UTP4: variants seen among roughly 807,000 people sequenced by gnomAD.
UTP4 encodes the protein UTP4 small subunit processome component.
UTP4 carries 45 observed loss-of-function variants against 82.4 expected under a neutral mutation model. That is an observed-to-expected ratio of 0.55 (90% CI 0.43 to 0.70). The LOEUF (loss-of-function observed/expected upper bound fraction) is 0.70, where lower values mean the gene tolerates loss of function less well. Ranked by LOEUF, UTP4 falls within the 30% of genes least tolerant of loss-of-function variation. UTP4 has a pLI of 0.00. For missense variants in UTP4, 819 were observed against 858.3 expected (o/e 0.95, Z 0.57); for synonymous variants, 348 against 300.3 (o/e 1.16, Z -1.64).
intron 14 of UTP4, among the ~76,000 whole-genome samples, chr16:69,164,034 G>A (rs955844290): frequency 5.9e-5 from 9 of 151,820 alleles, no homozygotes; most frequent in Admixed American, 2.0e-4. Flanking sequence ...ACAGGCGCCC[G>A]CCACCATGCC....
At chr16:69,144,944 C>T (rs759359436) in intron 6 of UTP4, among the ~76,000 whole-genome samples, 16 of 152,134 alleles carry the variant, frequency 1.1e-4, no homozygotes, top group Middle Eastern at 3.4e-3. Flanking sequence ...GAGTTCAAGA[C>T]GAGCCTGGTC....
chr16:69,157,326 C>G, intron 12 of UTP4, 86 bp downstream of exon 12: 1 of 1,305,660 alleles, frequency 7.7e-7, no homozygotes, highest in Admixed American at 2.0e-5. Context: ...TCGGGGGTTC[C>G]CTCATGTTCC....
At chr16:69,147,593 G>A (rs1963152495) in intron 6 of UTP4, among the ~76,000 whole-genome samples, 3 of 152,242 alleles carry the variant, frequency 2.0e-5, no homozygotes, top group Admixed American at 2.0e-4. Flanking sequence ...GGTTGTGCTT[G>A]GAACCAGAAG....
chr16:69,143,466 C>T, intron 6 of UTP4, 77 bp downstream of exon 6: 1 of 1,259,680 alleles, frequency 7.9e-7, no homozygotes, highest in Non-Finnish European at 1.2e-6. Flanking sequence ...TAGTGACGTG[C>T]CATGAACACT....
intron 13 of UTP4, 126 bp downstream of exon 13, chr16:69,160,588 C>G (rs557460373): frequency 1.5e-6 from 1 of 672,060 alleles, no homozygotes; most frequent in East Asian, 2.8e-5. Flanking sequence ...TTTTTATTTT[C>G]TTTTCTTTTC....
At position 69,160,348 on chromosome 16, in the gene UTP4, C is replaced by A. The variant is rs954360135; in HGVS notation, c.1445-8C>A. On this transcript the variant is annotated splice_region_variant and splice_polypyrimidine_tract_variant and intron_variant, in intron 12 of 16. Coordinates refer to ENST00000314423, the MANE Select transcript of UTP4 (RefSeq NM_032830.3). ...GAATTCAGAGATGTAACTGTTTTGT[C>A]CTCACAGGAACAGTGGAGGCCATGT... 2.7e-5 allele frequency: 43 copies of A among 1,609,406 alleles called. No individual in the cohort carries two copies. The highest frequency in any genetic ancestry group is 3.7e-5 in the Non-Finnish European group (43 of 1,175,776).
Position 69,165,332 on chromosome 16 carries a change from C to A in UTP4, c.1648-9C>A. 1.2e-6 allele frequency: 2 copies of A among 1,613,798 alleles called. No homozygotes were observed. Among genetic ancestry groups the A allele is most frequent in the Admixed American group, 3.3e-5 (2 of 60,004 alleles). On this transcript the variant is annotated splice_polypyrimidine_tract_variant and intron_variant, in intron 14 of 16. Transcript: ENST00000314423. ...AGCCTGCATTTCTCTATGTCATGTCCTCCCTCAGGTATTTGAGTACAGCAT... is the reference window on the plus strand; with the variant it reads ...AGCCTGCATTTCTCTATGTCATGTCATCCCTCAGGTATTTGAGTACAGCAT...
At position 69,156,982 on chromosome 16, in the gene UTP4, G is replaced by C. The variant is rs556014760; in HGVS notation, c.1288-102G>C. 8.9e-6 allele frequency: 11 copies of C among 1,240,606 alleles called. No homozygotes were observed. In the East Asian group the frequency reaches 1.9e-4, roughly 21 times the overall value. The allele number at this position is 1,240,606 out of a possible 1,614,324, so 76.8% of individuals were successfully genotyped here. ...TGTGCCGAGTCAGTTGGCTTACTTA[G>C]AGACAGGAAGCATTAATGTACCTTA... On this transcript the variant is annotated intron_variant, in intron 11 of 16. Coordinates refer to ENST00000314423, the MANE Select transcript of UTP4 (RefSeq NM_032830.3).
Position 69,136,771 on chromosome 16 carries a change from C to G in UTP4, c.235C>G (p.Leu79Val). 7 of 1,614,112 alleles carry G rather than the reference C, an allele frequency of 4.3e-6. No individual in the cohort carries two copies. The highest frequency in any genetic ancestry group is 5.9e-6 in the Non-Finnish European group (7 of 1,179,996). The change falls in exon 3 of 17, where the codon CTC becomes GTC. Residue 79 changes from leucine (L) to valine (V), a missense_variant. By Grantham distance (32) the Leu-to-Val change is conservative. Transcript: ENST00000314423. Reference sequence around the variant, plus strand: ...AGGACAGCGACTCTTTAGTGCTGGGCTCAATGGCGAGATTATGGAGTATGA... The same window carrying G: ...AGGACAGCGACTCTTTAGTGCTGGGGTCAATGGCGAGATTATGGAGTATGA... ...AEGQRLFSAG[L>V]NGEIMEYDLQ...
At chr16:69,136,351 C>T (rs930859326) in intron 2 of UTP4, among the ~76,000 whole-genome samples, 7 of 152,174 alleles carry the variant, frequency 4.6e-5, no homozygotes, top group East Asian at 1.9e-4. Flanking sequence ...CGTCAGCCTC[C>T]GTAGTAGCTG....
chr16:69,140,779 G>C (rs1383702714), intron 5 of UTP4, among the ~76,000 whole-genome samples: 3 of 151,786 alleles, frequency 2.0e-5, no homozygotes, highest in Non-Finnish European at 4.4e-5. Context: ...GATTCTTTTG[G>C]TATCTATCAC....
intron 8 of UTP4, among the ~76,000 whole-genome samples, chr16:69,153,052 C>T (rs1207613392): frequency 6.6e-6 from 1 of 152,188 alleles, no homozygotes; most frequent in East Asian, 1.9e-4. Flanking sequence ...CCAGGCCTGG[C>T]CCTTCAGCTT....
chr16:69,139,297 A>G (rs1420831818), intron 4 of UTP4, among the ~76,000 whole-genome samples: 1 of 152,122 alleles, frequency 6.6e-6, no homozygotes, highest in Non-Finnish European at 1.5e-5. Context: ...CAAAGGTAAT[A>G]CAATGCTTTT....
chr16:69,157,170 A>G lies in UTP4; in HGVS notation c.1374A>G (p.Gln458=). ...DSTKLFVASN[Q]GALHIVQLSG... is the part of the protein sequence containing the mutation. The stretch of plus-strand genomic sequence containing the variant: ...CAAAGCTCTTTGTAGCATCAAATCA[A>G]GGAGCTCTGCATATTGTTCAGCTGT... Residue 458 remains glutamine, a synonymous_variant, in exon 12 of 17, where the codon CAA becomes CAG. Coordinates refer to ENST00000314423, the MANE Select transcript of UTP4 (RefSeq NM_032830.3). The G allele has an allele frequency of 6.2e-7, 1 of 1,614,230 alleles. No homozygotes were observed.
At chr16:69,157,006 T>C (rs982542135) in intron 11 of UTP4, 78 bp from the exon 12 acceptor site, 12 of 1,495,044 alleles carry the variant, frequency 8.0e-6, no homozygotes, top group Non-Finnish European at 1.0e-5. Flanking sequence ...TAATGTACCT[T>C]AAGCCTAGCT....
chr16:69,150,989 C>T (rs527994241), intron 8 of UTP4, 85 bp downstream of exon 8: 20 of 1,059,604 alleles, frequency 1.9e-5, no homozygotes, highest in African/African-American at 1.3e-4. Flanking sequence ...ACACAGCTCA[C>T]GCTCGGCAAA....
At chr16:69,138,547 G>A (rs933915542) in intron 4 of UTP4, among the ~76,000 whole-genome samples, 4 of 152,194 alleles carry the variant, frequency 2.6e-5, no homozygotes, top group African/African-American at 9.6e-5. Flanking sequence ...CCAAGGAACT[G>A]TGGTTCTTAA....
intron 10 of UTP4, among the ~76,000 whole-genome samples, chr16:69,155,569 T>C (rs1963388869): frequency 6.6e-6 from 1 of 152,186 alleles, no homozygotes; most frequent in African/African-American, 2.4e-5. Flanking sequence ...AGAGCTTTCC[T>C]TCAGTAAATG....
At chr16:69,154,803 A>G (rs534952174) in intron 10 of UTP4, among the ~76,000 whole-genome samples, 3 of 152,116 alleles carry the variant, frequency 2.0e-5, no homozygotes, top group Admixed American at 2.0e-4. Flanking sequence ...ACCTCAGCTC[A>G]CCGAAACCTC....
Sources: allele counts gnomAD v4.1 joint callset (sites outside exome capture counted in the v4.1 genomes callset), GRCh38; gene constraint gnomAD v4.1.1; transcripts MANE v1.5; gene names NCBI Gene and HGNC (gene_info 2026-07-23, HGNC 2026-07-21).